Variants in BTG4 observed in about 807,000 individuals in gnomAD.
BTG4 encodes protein BTG4.
In BTG4, 10 loss-of-function variants were observed where a neutral mutation model predicts 19.3. The observed-to-expected ratio is 0.52, with a 90% CI of 0.32 to 0.88. BTG4 has a LOEUF of 0.88. Among genes scored for constraint, BTG4 ranks in the 40% least tolerant of loss-of-function variants. The pLI is 0.04. For missense variants in BTG4, 238 were observed against 281.9 expected, an observed-to-expected ratio of 0.84 and a Z score of 1.11; for synonymous variants, 91 against 95.7, an observed-to-expected ratio of 0.95 and a Z score of 0.29.
At chr11:111,463,835 T>C (rs1863559966), downstream of BTG4, among the ~76,000 whole-genome samples, 1 of 152,192 alleles carries the variant, frequency 6.6e-6, no homozygotes, top group African/African-American at 2.4e-5. Flanking sequence ...GAGGATTCAC[T>C]TCCAAGCTCA....
chr11:111,443,227 C>T, the BTG4 span, among the ~76,000 whole-genome samples: 1 of 152,218 alleles, frequency 6.6e-6, no homozygotes, highest in African/African-American at 2.4e-5. Flanking sequence ...TTCCTCAAAA[C>T]TGTCAAGGTC....
At chr11:111,501,539 T>C (rs1198729153) in intron 1 of BTG4, among the ~76,000 whole-genome samples, 1 of 152,162 alleles carries the variant, frequency 6.6e-6, no homozygotes, top group Non-Finnish European at 1.5e-5. Flanking sequence ...AGAAATTAGT[T>C]ATAGTATTCC....
chr11:111,386,990 C>T, the BTG4 span, among the ~76,000 whole-genome samples: 2 of 152,210 alleles, frequency 1.3e-5, no homozygotes, highest in South Asian at 4.1e-4. Context: ...AGCAGTGTGG[C>T]CTTGGTCACA....
At chr11:111,482,185 G>T (rs1864780229) in intron 5 of BTG4, among the ~76,000 whole-genome samples, 1 of 151,848 alleles carries the variant, frequency 6.6e-6, no homozygotes, top group Non-Finnish European at 1.5e-5. Context: ...TATTACCAAT[G>T]AACATATGGA....
chr11:111,404,523 A>G, the BTG4 span: 1 of 452,884 alleles, frequency 2.2e-6, no homozygotes, highest in Admixed American at 2.4e-5. Context: ...GGGGGCAGGG[A>G]ATCATCTGAC....
At chr11:111,417,178 T>G in the BTG4 span, 3 of 152,296 alleles carry the variant, frequency 2.0e-5, no homozygotes, top group South Asian at 4.2e-4. Flanking sequence ...GACTGAGAGA[T>G]TCACTACAAG....
the BTG4 span, among the ~76,000 whole-genome samples, chr11:111,423,779 A>G: frequency 1.0e-3 from 152 of 152,372 alleles, 4 homozygotes; most frequent in East Asian, 0.023. Flanking sequence ...GATGAGAGAC[A>G]TGCCAGGATG....
the BTG4 span, chr11:111,417,600 G>T: frequency 6.6e-6 from 1 of 152,194 alleles, no homozygotes; most frequent in East Asian, 1.9e-4. Context: ...GTGCTGGGTG[G>T]TCTGCAATCA....
At chr11:111,386,438 G>C in the BTG4 span, 1 of 152,292 alleles carries the variant, frequency 6.6e-6, no homozygotes, top group South Asian at 2.1e-4. Flanking sequence ...TGATGGCCTA[G>C]AGGCTCAACA....
chr11:111,510,748 A>G (rs1866836864), intron 1 of BTG4, among the ~76,000 whole-genome samples: 1 of 152,214 alleles, frequency 6.6e-6, no homozygotes, highest in South Asian at 2.1e-4. Context: ...TCAGTAGGCA[A>G]TGCATCTTCA....
At chr11:111,497,910 G>C in intron 3 of BTG4, 88 bp downstream of exon 3, 1 of 1,425,394 alleles carries the variant, frequency 7.0e-7, no homozygotes, top group South Asian at 1.4e-5. Flanking sequence ...TCAAGGCTTT[G>C]GGGCATCATC....
At chr11:111,398,578 C>T in the BTG4 span, among the ~76,000 whole-genome samples, 3 of 152,074 alleles carry the variant, frequency 2.0e-5, no homozygotes, top group South Asian at 4.2e-4. Flanking sequence ...CTCAGCCTCC[C>T]GAGTAGCTGG....
upstream of BTG4, chr11:111,514,562 G>A (rs562093328): frequency 5.3e-4 from 289 of 547,302 alleles, 1 homozygote; most frequent in Non-Finnish European, 8.5e-4. Context: ...CAAAGTTGAC[G>A]TTTTGACTCT....
At chr11:111,491,053 A>C (rs1233768904), downstream of BTG4, among the ~76,000 whole-genome samples, 16 of 152,242 alleles carry the variant, frequency 1.1e-4, no homozygotes, top group Non-Finnish European at 2.9e-5. Flanking sequence ...ATAAGGAATA[A>C]ACTACCAATA....
At chr11:111,419,697 T>C in the BTG4 span, among the ~76,000 whole-genome samples, 1 of 152,226 alleles carries the variant, frequency 6.6e-6, no homozygotes, top group Non-Finnish European at 1.5e-5. Context: ...AGCGGGTCTC[T>C]GACTGCCAGC....
chr11:111,508,285 A>G (rs1866605470), intron 1 of BTG4, among the ~76,000 whole-genome samples: 1 of 151,754 alleles, frequency 6.6e-6, no homozygotes, highest in African/African-American at 2.4e-5. Flanking sequence ...AATCTATGCT[A>G]CTTTATGAAT....
chr11:111,487,977 G>A (rs141614949), intron 5 of BTG4, among the ~76,000 whole-genome samples: 21 of 152,086 alleles, frequency 1.4e-4, no homozygotes, highest in African/African-American at 4.1e-4. Flanking sequence ...AAATGGAGAC[G>A]TTCCATGTTC....
chr11:111,490,117 C>CA (rs149540718), downstream of BTG4, among the ~76,000 whole-genome samples: 118,028 of 135,392 alleles, frequency 0.87, 52,290 homozygotes, highest in South Asian at 0.98. Flanking sequence ...ACTAAAAATA[C>CA]AAAAAAAAAA....
the BTG4 span, chr11:111,450,446 G>A: frequency 6.6e-6 from 1 of 152,650 alleles, no homozygotes; most frequent in Non-Finnish European, 1.5e-5. Flanking sequence ...AAGATGGATG[G>A]TAAGAGAGCT....
Sources: gnomAD v4.1 joint callset for allele counts (sites outside exome capture counted in the v4.1 genomes callset) on GRCh38, gnomAD v4.1.1 for gene constraint, MANE v1.5 for transcripts, NCBI Gene and HGNC (gene_info 2026-07-23, HGNC 2026-07-21) for gene names.